WWOX: variants seen among roughly 807,000 people sequenced by gnomAD.
WWOX encodes the protein WW domain containing oxidoreductase, also known as WW domain-containing oxidoreductase.
A neutral mutation model predicts 46.2 loss-of-function variants in WWOX; 69 were observed. That is an observed-to-expected ratio of 1.49 (90% confidence interval 1.23 to 1.82). The LOEUF (loss-of-function observed/expected upper bound fraction) is 1.82. Among genes scored for constraint, WWOX ranks in the 40% most tolerant of loss-of-function variants. The probability of loss-of-function intolerance (pLI) is 0.00; values close to 1 mark genes in which losing one functional copy is unlikely to be tolerated. For missense variants in WWOX, 919 were observed against 542.6 expected, an observed-to-expected ratio of 1.69 and a Z score of -6.89; for synonymous variants, 359 against 202.6, an observed-to-expected ratio of 1.77 and a Z score of -6.56.
chr16:79,138,108 G>A (rs2050018525), intron 8 of WWOX, among the ~76,000 whole-genome samples: 1 of 152,104 alleles, frequency 6.6e-6, no homozygotes, highest in African/African-American at 2.4e-5. Context: ...CCACAGCAGG[G>A]GCCACAGCCA....
intron 8 of WWOX, among the ~76,000 whole-genome samples, chr16:78,863,168 G>C (rs183292994): frequency 6.6e-6 from 1 of 152,036 alleles, no homozygotes; most frequent in Non-Finnish European, 1.5e-5. Flanking sequence ...ATGTTGGCCA[G>C]ACTGGTCTCA....
At chr16:78,515,645 A>G (rs912673032) in intron 8 of WWOX, among the ~76,000 whole-genome samples, 4 of 152,198 alleles carry the variant, frequency 2.6e-5, no homozygotes, top group African/African-American at 9.7e-5. Flanking sequence ...AGCTTCCGTC[A>G]GCTTTCTTGC....
At chr16:79,000,819 C>T (rs963847890) in intron 8 of WWOX, among the ~76,000 whole-genome samples, 1 of 152,168 alleles carries the variant, frequency 6.6e-6, no homozygotes, top group Non-Finnish European at 1.5e-5. Context: ...AGTTCTCCAG[C>T]CTTCCCCATT....
chr16:78,783,183 C>T (rs888035931), intron 8 of WWOX, among the ~76,000 whole-genome samples: 2 of 152,208 alleles, frequency 1.3e-5, no homozygotes, highest in African/African-American at 4.8e-5. Context: ...TTTATAATGG[C>T]TGCCTGATAA....
At chr16:78,644,589 G>T (rs574002833) in intron 8 of WWOX, among the ~76,000 whole-genome samples, 1 of 152,006 alleles carries the variant, frequency 6.6e-6, no homozygotes, top group Non-Finnish European at 1.5e-5. Context: ...AGCCTCCCAA[G>T]TACCTGGGAT....
intron 6 of WWOX, among the ~76,000 whole-genome samples, chr16:78,389,448 A>C (rs1182565410): frequency 6.6e-6 from 1 of 152,064 alleles, no homozygotes; most frequent in Non-Finnish European, 1.5e-5. Flanking sequence ...CCTCAAACTC[A>C]TCTGTCTGTG....
intron 8 of WWOX, among the ~76,000 whole-genome samples, chr16:78,903,033 C>T (rs116387263): frequency 6.2e-4 from 95 of 152,192 alleles, no homozygotes; most frequent in African/African-American, 2.2e-3. Flanking sequence ...GGACAAAATG[C>T]ACAAACAAAG....
Position 78,996,164 on chromosome 16 carries a change from C to A in WWOX, c.1057-215444C>A, listed in dbSNP as rs374918283. On this transcript the variant is annotated intron_variant, in intron 8 of 8. Transcript: ENST00000566780. ...TTCTTTTTTTTAATTTTTTTTTTAA[C>A]GAAACTCACATCTTCTTTAAATAAA... 6.6e-5 allele frequency: 62 copies of A among 944,898 alleles called. No individual in the cohort carries two copies. In the African/African-American group the frequency reaches 8.7e-4, roughly 13 times the overall value. 58.5% of individuals were successfully genotyped at this position (944,898 alleles called of 1,614,324 possible).
chr16:78,834,556 C>T (rs564476905), intron 8 of WWOX, among the ~76,000 whole-genome samples: 1 of 152,220 alleles, frequency 6.6e-6, no homozygotes, highest in South Asian at 2.1e-4. Context: ...CAGAAAGGAC[C>T]AGGGTCTGCA....
chr16:78,761,270 A>G (rs36012054), intron 8 of WWOX, among the ~76,000 whole-genome samples: 1 of 152,190 alleles, frequency 6.6e-6, no homozygotes, highest in Non-Finnish European at 1.5e-5. Flanking sequence ...TTCAGAAAGC[A>G]CGGCCTCCAA....
intron 5 of WWOX, among the ~76,000 whole-genome samples, chr16:78,206,597 C>G (rs561082041): frequency 5.1e-4 from 78 of 152,166 alleles, no homozygotes; most frequent in African/African-American, 1.8e-3. Context: ...GAATTTCACC[C>G]TATTCTATTT....
rs545715638 is a variant in WWOX, at chr16:78,099,684, G to A, written c.-95G>A. ...GCGCAGGCGTGAGCGGTCGGGCCCC[G>A]ACGCGCGCGGGTCTCGTTTGGAGCG... On this transcript the variant is annotated 5_prime_UTR_variant, in exon 1 of 9. Coordinates refer to ENST00000566780, the MANE Select transcript of WWOX (RefSeq NM_016373.4). The A allele has an allele frequency of 3.7e-5, 53 of 1,432,304 alleles. No individual in the cohort carries two copies. The highest frequency in any genetic ancestry group is 5.9e-5 in the South Asian group (4 of 67,630). 88.7% of individuals were successfully genotyped at this position (1,432,304 alleles called of 1,614,324 possible).
chr16:79,017,762 G>A (rs957987067), intron 8 of WWOX, among the ~76,000 whole-genome samples: 2 of 151,798 alleles, frequency 1.3e-5, no homozygotes, highest in Admixed American at 1.3e-4. Context: ...GTCATGGCAC[G>A]TTTTGATATG....
chr16:78,390,037 C>G (rs1289587664), intron 6 of WWOX, among the ~76,000 whole-genome samples: 1 of 152,148 alleles, frequency 6.6e-6, no homozygotes, highest in Non-Finnish European at 1.5e-5. Flanking sequence ...GTGAGCCACC[C>G]TGCCCGACCC....
intron 5 of WWOX, among the ~76,000 whole-genome samples, chr16:78,382,676 T>C (rs1422279962): frequency 6.6e-6 from 1 of 152,214 alleles, no homozygotes; most frequent in Non-Finnish European, 1.5e-5. Flanking sequence ...AGATGGCATG[T>C]GCTAATTCTA....
intron 8 of WWOX, among the ~76,000 whole-genome samples, chr16:78,803,554 G>C (rs6564590): frequency 0.54 from 81,608 of 151,608 alleles, 22,433 homozygotes; most frequent in Middle Eastern, 0.66. Context: ...TCAAGCAGTC[G>C]TCCTGCCTCA....
chr16:78,876,955 G>A (rs914560848), intron 8 of WWOX, among the ~76,000 whole-genome samples: 1 of 152,078 alleles, frequency 6.6e-6, no homozygotes, highest in Non-Finnish European at 1.5e-5. Flanking sequence ...AGGAAAATGT[G>A]TTTCCTCTGT....
intron 8 of WWOX, among the ~76,000 whole-genome samples, chr16:78,541,430 C>T (rs373954414): frequency 1.0e-4 from 13 of 130,366 alleles, no homozygotes; most frequent in African/African-American, 1.9e-4. Context: ...GCCGAGAGCC[C>T]GCCACTGCAC....
At chr16:79,095,228 T>A (rs1370633264) in intron 8 of WWOX, among the ~76,000 whole-genome samples, 1 of 152,172 alleles carries the variant, frequency 6.6e-6, no homozygotes, top group South Asian at 2.1e-4. Flanking sequence ...CAGGGCTTTC[T>A]CCCTCTGGCT....
Sources: allele counts gnomAD v4.1 joint callset (sites outside exome capture counted in the v4.1 genomes callset), GRCh38; gene constraint gnomAD v4.1.1; transcripts MANE v1.5; gene names NCBI Gene and HGNC (gene_info 2026-07-23, HGNC 2026-07-21).